SLC39A8: variants seen among roughly 807,000 people sequenced by gnomAD.
SLC39A8 encodes metal cation symporter ZIP8.
SLC39A8 carries 15 observed loss-of-function variants against 40.4 expected under a neutral mutation model. The observed-to-expected ratio is 0.37, with a 90% CI of 0.25 to 0.57. SLC39A8 has a LOEUF of 0.57. Among genes scored for constraint, SLC39A8 ranks in the 20% least tolerant of loss-of-function variants. The probability of loss-of-function intolerance (pLI) is 0.75; values close to 1 mark genes in which losing one functional copy is unlikely to be tolerated. For synonymous variants in SLC39A8, 223 were observed against 221.6 expected (o/e 1.01, Z -0.06); for missense variants, 472 against 558.8 (o/e 0.84, Z 1.57).
intron 2 of SLC39A8, among the ~76,000 whole-genome samples, chr4:102,338,022 T>C (rs1027025750): frequency 1.1e-4 from 17 of 152,112 alleles, no homozygotes; most frequent in African/African-American, 4.1e-4. Flanking sequence ...CATGAGGCAT[T>C]TCCAACCCCA....
At chr4:102,255,442 CT>C (rs1731685538) in intron 11 of SLC39A8, among the ~76,000 whole-genome samples, 1 of 152,170 alleles carries the variant, frequency 6.6e-6, no homozygotes, top group Admixed American at 6.5e-5. Flanking sequence ...CTACTGTTTT[CT>C]CAGCATCCAT....
At chr4:102,278,653 G>A (rs1311565788) in intron 6 of SLC39A8, among the ~76,000 whole-genome samples, 1 of 152,220 alleles carries the variant, frequency 6.6e-6, no homozygotes, top group East Asian at 1.9e-4. Context: ...ATACCCAAAG[G>A]ATTATAAATC....
In SLC39A8 at chr4:102,262,265, C is replaced by A; in HGVS notation, c.*779G>T. ...AAAGCAAACACATGGTGCACTGAAA[C>A]CGAGGTGTTACCAGCTTTACATACT... On this transcript the variant is annotated 3_prime_UTR_variant, in exon 9 of 9. Transcript: ENST00000356736. 8 of 985,726 alleles carry A rather than the reference C, an allele frequency of 8.1e-6. No individual in the cohort carries two copies. The highest frequency in any genetic ancestry group is 8.4e-6 in the Non-Finnish European group (7 of 829,918). 61.1% of individuals were successfully genotyped at this position (985,726 alleles called of 1,614,324 possible).
chr4:102,278,145 TTAAAC>T (rs1311248597), intron 6 of SLC39A8, among the ~76,000 whole-genome samples: 2 of 152,128 alleles, frequency 1.3e-5, no homozygotes, highest in Non-Finnish European at 2.9e-5. Flanking sequence ...TGGGATCTAA[TTAAAC>T]TAAAGAGCTT....
intron 2 of SLC39A8, among the ~76,000 whole-genome samples, chr4:102,316,319 T>C: frequency 6.6e-6 from 1 of 152,144 alleles, no homozygotes; most frequent in South Asian, 2.1e-4. Context: ...TACACTGCAA[T>C]AAATATAAAT....
intron 6 of SLC39A8, among the ~76,000 whole-genome samples, chr4:102,279,865 A>G (rs558445412): frequency 6.6e-6 from 1 of 152,334 alleles, no homozygotes; most frequent in East Asian, 1.9e-4. Context: ...TGTCAACCAC[A>G]TGGAGGACAA....
At chr4:102,329,706 C>T (rs947577848) in intron 2 of SLC39A8, among the ~76,000 whole-genome samples, 2 of 151,940 alleles carry the variant, frequency 1.3e-5, no homozygotes, top group Non-Finnish European at 2.9e-5. Context: ...GAACTCTCCA[C>T]CCCAAATCAA....
chr4:102,308,086 A>G (rs1734271077), intron 3 of SLC39A8, among the ~76,000 whole-genome samples: 2 of 152,056 alleles, frequency 1.3e-5, no homozygotes, highest in African/African-American at 4.8e-5. Context: ...CAAGGTGACC[A>G]TAGCTGCTAA....
chr4:102,335,974 A>G (rs1195647376), intron 2 of SLC39A8, among the ~76,000 whole-genome samples: 1 of 152,190 alleles, frequency 6.6e-6, no homozygotes, highest in African/African-American at 2.4e-5. Context: ...TGTTAAGGAT[A>G]ATGTAGCTAT....
At chr4:102,313,416 T>C (rs935089818) in intron 3 of SLC39A8, among the ~76,000 whole-genome samples, 4 of 152,088 alleles carry the variant, frequency 2.6e-5, no homozygotes, top group Admixed American at 1.3e-4. Flanking sequence ...GTTATTTTTG[T>C]CATTGTTGTT....
rs754445117 is a variant in SLC39A8 at position 102,262,645 on chromosome 4, C to A, written c.*399G>T. The A allele has an allele frequency of 8.1e-6, 8 of 988,066 alleles. No homozygotes were observed. The highest frequency in any genetic ancestry group is 9.6e-6 in the Non-Finnish European group (8 of 831,734). The allele number at this position is 988,066 out of a possible 1,614,324, so 61.2% of individuals were successfully genotyped here. ...TAGAACAAATTAATTGAAATAAAAC[C>A]TCTCTGAAACCATTTGAATCTTTGA... On this transcript the variant is annotated 3_prime_UTR_variant, in exon 9 of 9. Coordinates refer to ENST00000356736, the MANE Select transcript of SLC39A8 (RefSeq NM_001135146.2).
At chr4:102,324,157 G>T (rs149216677) in intron 2 of SLC39A8, 113 of 177,476 alleles carry the variant, frequency 6.4e-4, no homozygotes, top group African/African-American at 2.6e-3. Context: ...AGCACTTTGG[G>T]AGGCCGAGGC....
intron 2 of SLC39A8, among the ~76,000 whole-genome samples, chr4:102,322,195 G>A (rs925956806): frequency 6.6e-6 from 1 of 152,144 alleles, no homozygotes; most frequent in Non-Finnish European, 1.5e-5. Context: ...CCTGCTGTGA[G>A]TCTGGGGACA....
chr4:102,305,480 G>A (rs1020845128), intron 4 of SLC39A8, among the ~76,000 whole-genome samples: 4 of 152,042 alleles, frequency 2.6e-5, no homozygotes, highest in East Asian at 1.9e-4. Flanking sequence ...GAAGATAAAT[G>A]AGATATTGAT....
At chr4:102,343,243 A>C (rs1736019281) in intron 2 of SLC39A8, among the ~76,000 whole-genome samples, 1 of 152,188 alleles carries the variant, frequency 6.6e-6, no homozygotes. Flanking sequence ...TTTTCTTAAG[A>C]GCCATATACT....
intron 3 of SLC39A8, 96 bp downstream of exon 3, chr4:102,315,572 T>G (rs563878659): frequency 9.3e-7 from 1 of 1,080,632 alleles, no homozygotes; most frequent in Non-Finnish European, 1.3e-6. Context: ...TGTAGATTAA[T>G]TAAAAGCAAT....
chr4:102,306,178 T>C (rs1033153911), intron 4 of SLC39A8, among the ~76,000 whole-genome samples: 30 of 152,008 alleles, frequency 2.0e-4, no homozygotes, highest in African/African-American at 7.0e-4. Context: ...TTCAAGAAAA[T>C]AGAAAACCTT....
At chr4:102,293,990 G>A (rs956977233) in intron 6 of SLC39A8, among the ~76,000 whole-genome samples, 6 of 151,588 alleles carry the variant, frequency 4.0e-5, no homozygotes, top group Admixed American at 3.9e-4. Context: ...TTGATACACG[G>A]CAGGAATAAA....
At chr4:102,288,404 C>G (rs1733280013) in intron 6 of SLC39A8, among the ~76,000 whole-genome samples, 1 of 152,078 alleles carries the variant, frequency 6.6e-6, no homozygotes, top group African/African-American at 2.4e-5. Context: ...TGTAGGGCCT[C>G]TCTATTCCCT....
Sources: allele counts gnomAD v4.1 joint callset (sites outside exome capture counted in the v4.1 genomes callset), GRCh38; gene constraint gnomAD v4.1.1; transcripts MANE v1.5; gene names NCBI Gene and HGNC (gene_info 2026-07-23, HGNC 2026-07-21).